The following ZNF429 variants were observed in gnomAD, a reference collection of about 807,000 sequenced individuals.
ZNF429 encodes zinc finger protein 429.
ZNF429 carries 53 observed loss-of-function variants against 56.8 expected under a neutral mutation model. That is an observed-to-expected ratio of 0.93 (90% CI 0.75 to 1.17). The LOEUF (loss-of-function observed/expected upper bound fraction) is 1.17. Among genes scored for constraint, ZNF429 ranks in the 50% most tolerant of loss-of-function variants. The pLI, the probability that ZNF429 is intolerant of heterozygous loss-of-function variation, is 0.00. For missense variants in ZNF429, 849 were observed against 788.4 expected (o/e 1.08, Z -0.92); for synonymous variants, 278 against 264.7 (o/e 1.05, Z -0.49).
At chr19:21,522,774 G>A in intron 1 of ZNF429, among the ~76,000 whole-genome samples, 1 of 152,102 alleles carries the variant, frequency 6.6e-6, no homozygotes. Flanking sequence ...GCAGGTGCCT[G>A]CAATCCCAGC....
chr19:21,537,546 G>A lies in ZNF429; in HGVS notation c.1493G>A (p.Ser498Asn), dbSNP rs1216829556. 2.5e-6 allele frequency: 4 copies of A among 1,610,684 alleles called. No individual in the cohort carries two copies. The South Asian group carries it at 3.3e-5, about 13-fold the overall frequency. The change falls in exon 4 of 4, where the codon AGT becomes AAT. Residue 498 changes from serine to asparagine, a missense_variant. Transcript: ENST00000358491. ...TTTAAGCAGTCCTCAAACCTTAACA[G>A]TCATAAAAAAATTCATAGTGGAGAG... ...KAFKQSSNLN[S>N]HKKIHSGEKP...
intron 1 of ZNF429, among the ~76,000 whole-genome samples, chr19:21,523,074 T>C (rs375418887): frequency 2.0e-4 from 31 of 152,260 alleles, no homozygotes; most frequent in Middle Eastern, 6.8e-3. Context: ...TGAAACTGAT[T>C]AAGAGACCAT....
intron 1 of ZNF429, among the ~76,000 whole-genome samples, chr19:21,523,858 C>T (rs534622087): frequency 6.6e-6 from 1 of 151,374 alleles, no homozygotes; most frequent in African/African-American, 2.4e-5. Context: ...GAGATCTCTC[C>T]TTTGATTGTT....
At chr19:21,505,988 C>G in intron 1 of ZNF429, 1 of 471,796 alleles carries the variant, frequency 2.1e-6, no homozygotes, top group South Asian at 2.0e-5. Flanking sequence ...TCCGCAGTGA[C>G]TGTGCCTGAC....
rs768947209 is a variant in ZNF429 at position 21,537,477 on chromosome 19, A to C, written c.1424A>C (p.His475Pro). Residue 475 changes from histidine to proline, a missense_variant, in exon 4 of 4, where the codon CAT (histidine) becomes CCT (proline). Transcript: ENST00000358491. ...CACCTTACTAGCCATAGGAGAATTC[A>C]TACTGGAGAGAAACCCTACAAATGT... ...SSHLTSHRRI[H>P]TGEKPYKCEE... 6.2e-6 allele frequency: 10 copies of C among 1,614,032 alleles called. No homozygotes were observed. The South Asian group carries it at 1.1e-4, about 18-fold the overall frequency.
At chr19:21,531,689 TA>T in intron 3 of ZNF429, among the ~76,000 whole-genome samples, 1 of 151,598 alleles carries the variant, frequency 6.6e-6, no homozygotes, top group South Asian at 2.1e-4. Flanking sequence ...CCTGTAATCC[TA>T]GCTACTTGGG....
chr19:21,508,170 G>A (rs1468487700), intron 1 of ZNF429, among the ~76,000 whole-genome samples: 1 of 151,876 alleles, frequency 6.6e-6, no homozygotes, highest in Non-Finnish European at 1.5e-5. Flanking sequence ...AAGAACTCGG[G>A]AGGCGGAGGT....
At chr19:21,529,993 C>G in intron 2 of ZNF429, among the ~76,000 whole-genome samples, 1 of 151,930 alleles carries the variant, frequency 6.6e-6, no homozygotes, top group African/African-American at 2.4e-5. Context: ...GTCAGGAGAC[C>G]ATCCTGGCTA....
In ZNF429 at chr19:21,537,217, A is replaced by T; in HGVS notation, c.1164A>T (p.Lys388Asn). The T allele has an allele frequency of 6.2e-7, 1 of 1,611,984 alleles. No homozygotes were observed. The highest frequency in any genetic ancestry group is 1.1e-5 in the South Asian group (1 of 90,954). Reference protein sequence around the residue: ...FNQSSRLTRHKKIHTGEEPYK... With the variant: ...FNQSSRLTRHNKIHTGEEPYK... ...AGTCTTCAAGACTTACTCGACATAA[A>T]AAAATTCATACTGGAGAGGAACCCT... Residue 388 changes from lysine to asparagine, a missense_variant, in exon 4 of 4, where the codon AAA becomes AAT. Transcript: ENST00000358491.
At chr19:21,523,729 C>T (rs113376464) in intron 1 of ZNF429, among the ~76,000 whole-genome samples, 7 of 151,748 alleles carry the variant, frequency 4.6e-5, no homozygotes, top group South Asian at 2.1e-4. Flanking sequence ...AATCTTTGCC[C>T]GCAGTTTACA....
At chr19:21,536,119 A>T in intron 3 of ZNF429, among the ~76,000 whole-genome samples, 161 bp from the exon 4 acceptor site, 1 of 111,122 alleles carries the variant, frequency 9.0e-6, no homozygotes, top group African/African-American at 3.1e-5. Flanking sequence ...TTTGGTTAGT[A>T]TGTCTTTGTT....
In ZNF429 at chr19:21,506,760, GTTTTTTGTT is replaced by G. The variant is rs1466793477; in HGVS notation, c.3+993_3+1001del. On this transcript the variant is annotated intron_variant, in intron 1 of 3. Coordinates refer to ENST00000358491, the MANE Select transcript of ZNF429 (RefSeq NM_001001415.4). ...TACAAAAAAAAAAGCATTTGAGTTA[GTTTTTTGTT>G]TTTTTTTTTTTTTTTTTGAGATGGA... 4.6e-4 allele frequency among the ~76,000 whole-genome samples: 55 copies of G among 119,670 alleles called. 1 individual carries two copies. Among genetic ancestry groups the G allele is most frequent in the African/African-American group, 1.6e-3 (51 of 31,750 alleles). 78.5% of individuals were successfully genotyped at this position (119,670 alleles called of 152,430 possible). A position where few individuals can be genotyped will look rare whatever the true frequency, so the allele number is the denominator to read the frequency against.
At chr19:21,517,229 A>G (rs189336245) in intron 1 of ZNF429, among the ~76,000 whole-genome samples, 1 of 152,216 alleles carries the variant, frequency 6.6e-6, no homozygotes, top group Admixed American at 6.5e-5. Context: ...TGTTTATGTG[A>G]TGAATCACAT....
At position 21,539,637 on chromosome 19, in the gene ZNF429, T is replaced by A. The variant is rs529222508; in HGVS notation, c.*1559T>A. On this transcript the variant is annotated 3_prime_UTR_variant, in exon 4 of 4. Transcript: ENST00000358491. The stretch of plus-strand genomic sequence containing the variant: ...GTAGAGATGAGATTTCACCATTTTG[T>A]CCAGGGTGGTCTCAAACTCTTCATC... Among the ~76,000 whole-genome samples, 1 of 151,650 alleles carries A rather than the reference T, an allele frequency of 6.6e-6. No homozygotes were observed. The highest frequency in any genetic ancestry group is 1.5e-5 in the Non-Finnish European group (1 of 67,944).
chr19:21,532,014 G>A, intron 3 of ZNF429, among the ~76,000 whole-genome samples: 1 of 151,828 alleles, frequency 6.6e-6, no homozygotes, highest in South Asian at 2.1e-4. Context: ...ATAGAAGAGA[G>A]GAAGAAAACA....
chr19:21,532,195 A>G, intron 3 of ZNF429, among the ~76,000 whole-genome samples: 1 of 152,156 alleles, frequency 6.6e-6, no homozygotes, highest in African/African-American at 2.4e-5. Flanking sequence ...GAAGTGCCAT[A>G]TTATTCAAAG....
chr19:21,514,598 T>TA (rs1356030760), intron 1 of ZNF429, among the ~76,000 whole-genome samples: 6 of 151,774 alleles, frequency 4.0e-5, no homozygotes, highest in East Asian at 3.9e-4. Flanking sequence ...CATATATATA[T>TA]TTTTTTATTT....
rs776519889 is a variant in ZNF429, at chr19:21,536,521, A to G, written c.468A>G (p.Ala156=). 1 of 1,612,692 alleles carries G rather than the reference A, an allele frequency of 6.2e-7. No homozygotes were observed. Among genetic ancestry groups the G allele is most frequent in the South Asian group, 1.1e-5 (1 of 90,962 alleles). The change falls in exon 4 of 4, where the codon GCA becomes GCG. Residue 156 remains alanine (A), a synonymous_variant. Transcript: ENST00000358491. ...HCDIYVKVFY[A]FSNADRYKTR... is the part of the protein sequence containing the mutation. ...ATATATATGTAAAAGTCTTTTATGC[A>G]TTTTCAAATGCAGATAGATACAAGA...
intron 1 of ZNF429, among the ~76,000 whole-genome samples, chr19:21,519,792 T>C (rs948881676): frequency 6.6e-6 from 1 of 152,066 alleles, no homozygotes; most frequent in African/African-American, 2.4e-5. Flanking sequence ...TGTTGTAGTC[T>C]CCTATTATTG....
Sources: allele counts gnomAD v4.1 joint callset (sites outside exome capture counted in the v4.1 genomes callset), GRCh38; gene constraint gnomAD v4.1.1; transcripts MANE v1.5; gene names NCBI Gene and HGNC (gene_info 2026-07-23, HGNC 2026-07-21).